Variants in NUDC observed in about 807,000 individuals in gnomAD.
The protein encoded by NUDC is nuclear distribution C, dynein complex regulator.
In NUDC, 14 loss-of-function variants were observed where a neutral mutation model predicts 45.0. That is an observed-to-expected ratio of 0.31 (90% CI 0.21 to 0.49). NUDC has a LOEUF of 0.49. NUDC is among the 20% of genes least tolerant of loss of function. NUDC has a pLI of 0.99. For synonymous variants in NUDC, 153 were observed against 156.7 expected, an observed-to-expected ratio of 0.98 and a Z score of 0.17; for missense variants, 323 against 426.2, an observed-to-expected ratio of 0.76 and a Z score of 2.13.
chr1:26,931,840 C>T (rs562305857), intron 2 of NUDC, among the ~76,000 whole-genome samples: 1 of 151,382 alleles, frequency 6.6e-6, no homozygotes, highest in South Asian at 2.1e-4. Flanking sequence ...GTGCCCACCA[C>T]CACGCCTGGC....
chr1:26,920,176 A>G (rs1383256357), upstream of NUDC, among the ~76,000 whole-genome samples: 1 of 152,232 alleles, frequency 6.6e-6, no homozygotes, highest in African/African-American at 2.4e-5. Flanking sequence ...CACTGTAACC[A>G]TATCAGAGCC....
intron 2 of NUDC, among the ~76,000 whole-genome samples, chr1:26,928,931 A>G (rs1050037434): frequency 6.6e-6 from 1 of 152,202 alleles, no homozygotes; most frequent in African/African-American, 2.4e-5. Flanking sequence ...TATATACCCA[A>G]AATAATCAGG....
At chr1:26,915,667 C>G (rs2082058442) in intron 3 of NUDC, among the ~76,000 whole-genome samples, 1 of 152,072 alleles carries the variant, frequency 6.6e-6, no homozygotes, top group Admixed American at 6.5e-5. Flanking sequence ...ATAAGCCTCC[C>G]TGGGACAATA....
At chr1:26,925,367 C>T (rs1178212525) in intron 2 of NUDC, among the ~76,000 whole-genome samples, 15 of 150,596 alleles carry the variant, frequency 1.0e-4, no homozygotes, top group Non-Finnish European at 1.9e-4. Context: ...GGTGAAACCC[C>T]GTCTCTACTA....
intron 2 of NUDC, among the ~76,000 whole-genome samples, chr1:26,908,682 C>T (rs1260189387): frequency 1.3e-5 from 2 of 152,100 alleles, no homozygotes; most frequent in Non-Finnish European, 2.9e-5. Flanking sequence ...TTCAGCCTCT[C>T]GAGTGGCTGG....
At chr1:26,940,322 C>A (rs2082266381) in intron 2 of NUDC, among the ~76,000 whole-genome samples, 1 of 151,876 alleles carries the variant, frequency 6.6e-6, no homozygotes, top group Non-Finnish European at 1.5e-5. Flanking sequence ...ACTAAAAATA[C>A]AAAATTAGCC....
intron 2 of NUDC, among the ~76,000 whole-genome samples, chr1:26,908,279 GAC>G (rs2082011093): frequency 6.6e-6 from 1 of 152,124 alleles, no homozygotes; most frequent in Admixed American, 6.6e-5. Flanking sequence ...CTGGCAATGA[GAC>G]ACAGATCCCA....
intron 2 of NUDC, among the ~76,000 whole-genome samples, chr1:26,931,800 C>T (rs2082186263): frequency 6.6e-6 from 1 of 151,174 alleles, no homozygotes; most frequent in African/African-American, 2.4e-5. Flanking sequence ...ATTTCTCCTG[C>T]CTCAGCCTCC....
At chr1:26,913,431 T>C (rs78728223) in intron 3 of NUDC, 1 of 1,614,122 alleles carries the variant, frequency 6.2e-7, no homozygotes, top group Non-Finnish European at 8.5e-7. Context: ...GGATGGTCCC[T>C]TTCAGGCAGG....
chr1:26,942,731 A>T lies in NUDC; in HGVS notation c.501A>T (p.Ala167=). The change falls in exon 5 of 9, where the codon GCA becomes GCT. Residue 167 remains alanine, a synonymous_variant. Coordinates refer to ENST00000321265, the MANE Select transcript of NUDC (RefSeq NM_006600.4). ...GKLKPNLGNG[A]DLPNYRWTQT... ...TGAAGCCCAACCTAGGCAACGGGGC[A>T]GACCTGCCCAATTACCGCTGGACCC... 6.2e-7 allele frequency: 1 copy of T among 1,614,260 alleles called. No homozygotes were observed. Among genetic ancestry groups the T allele is most frequent in the Non-Finnish European group, 8.5e-7 (1 of 1,180,048 alleles).
At chr1:26,933,067 C>T (rs1488878706) in intron 2 of NUDC, among the ~76,000 whole-genome samples, 2 of 151,796 alleles carry the variant, frequency 1.3e-5, no homozygotes, top group African/African-American at 4.8e-5. Context: ...TCCCGAGTAC[C>T]TGGGACTACA....
chr1:26,912,198 C>A, intron 3 of NUDC: 1 of 1,377,252 alleles, frequency 7.3e-7, no homozygotes, highest in Non-Finnish European at 1.0e-6. Context: ...CTCCTTTGCT[C>A]GGCCTTTGAG....
chr1:26,932,833 C>T (rs1273767430), intron 2 of NUDC, among the ~76,000 whole-genome samples: 3 of 152,154 alleles, frequency 2.0e-5, no homozygotes, highest in Non-Finnish European at 1.5e-5. Flanking sequence ...TGGAATCATA[C>T]AATATGTATG....
chr1:26,940,880 G>T (rs1251983607), intron 2 of NUDC, among the ~76,000 whole-genome samples: 2 of 151,718 alleles, frequency 1.3e-5, no homozygotes, highest in East Asian at 3.9e-4. Flanking sequence ...TAGAGACGGG[G>T]TTTCACCATG....
chr1:26,942,165 G>T (rs985935929), intron 4 of NUDC, among the ~76,000 whole-genome samples: 1 of 151,972 alleles, frequency 6.6e-6, no homozygotes, highest in Admixed American at 6.6e-5. Flanking sequence ...GGTGGTGGGC[G>T]CCCGTAATCC....
intron 3 of NUDC, chr1:26,911,731 G>A: frequency 1.6e-6 from 2 of 1,244,608 alleles, no homozygotes; most frequent in Non-Finnish European, 2.3e-6. Flanking sequence ...GGAGCCAAGT[G>A]CTGTCTATAC....
chr1:26,931,892 T>G (rs2082187116), intron 2 of NUDC, among the ~76,000 whole-genome samples: 1 of 151,592 alleles, frequency 6.6e-6, no homozygotes, highest in African/African-American at 2.4e-5. Flanking sequence ...TCAGTAACAT[T>G]GGCCAGGCTG....
intron 2 of NUDC, among the ~76,000 whole-genome samples, chr1:26,935,932 A>C (rs2082225744): frequency 6.6e-6 from 1 of 150,438 alleles, no homozygotes; most frequent in Admixed American, 6.7e-5. Context: ...GTTGAAGACC[A>C]GCCTGGGTAA....
intron 2 of NUDC, among the ~76,000 whole-genome samples, chr1:26,934,639 T>G (rs1164329999): frequency 3.3e-5 from 5 of 151,716 alleles, no homozygotes. Context: ...TACCCAAGAC[T>G]GGGTAATTTA....
Sources: allele counts gnomAD v4.1 joint callset (sites outside exome capture counted in the v4.1 genomes callset), GRCh38; gene constraint gnomAD v4.1.1; transcripts MANE v1.5; gene names NCBI Gene and HGNC (gene_info 2026-07-23, HGNC 2026-07-21).